The following CDH2 variants were observed in gnomAD, a reference collection of about 807,000 sequenced individuals.
The protein encoded by CDH2 is cadherin 2, also known as cadherin-2.
Under a neutral mutation model 92.0 loss-of-function variants are expected in CDH2, and 17 were observed. The ratio of observed to expected loss-of-function variants is 0.18; its 90% CI spans 0.13 to 0.28. The LOEUF is 0.28. Among genes scored for constraint, CDH2 ranks in the 10% least tolerant of loss-of-function variants. The pLI is 1.00. For synonymous variants in CDH2, 419 were observed against 415.9 expected, an observed-to-expected ratio of 1.01 and a Z score of -0.09; for missense variants, 862 against 1,133.1, an observed-to-expected ratio of 0.76 and a Z score of 3.44.
At chr18:28,106,282 TG>T (rs1430010306) in intron 2 of CDH2, among the ~76,000 whole-genome samples, 1 of 152,136 alleles carries the variant, frequency 6.6e-6, no homozygotes, top group African/African-American at 2.4e-5. Context: ...CAGGGCATGG[TG>T]GTGTGCACCT....
At chr18:28,075,743 C>T (rs1413119497) in intron 2 of CDH2, among the ~76,000 whole-genome samples, 2 of 152,186 alleles carry the variant, frequency 1.3e-5, no homozygotes, top group Non-Finnish European at 2.9e-5. Flanking sequence ...TGCCTATCTG[C>T]TTTACTGTGG....
chr18:28,173,582 CA>C (rs1457439290), intron 1 of CDH2, among the ~76,000 whole-genome samples: 1 of 152,090 alleles, frequency 6.6e-6, no homozygotes, highest in Non-Finnish European at 1.5e-5. Context: ...GTGAAAAACA[CA>C]TAAGGTTTAT....
At chr18:28,026,632 G>T (rs1329195377) in intron 2 of CDH2, among the ~76,000 whole-genome samples, 1 of 152,082 alleles carries the variant, frequency 6.6e-6, no homozygotes, top group Non-Finnish European at 1.5e-5. Context: ...ATGGCCTGGA[G>T]GGCAAATGCT....
chr18:27,947,712 GAT>G (rs1342706338), downstream of CDH2, among the ~76,000 whole-genome samples: 4 of 137,284 alleles, frequency 2.9e-5, no homozygotes, highest in East Asian at 5.9e-4. Flanking sequence ...AAGTATATGT[GAT>G]ATAAGTATGT....
chr18:27,967,544 G>T (rs1442253376), intron 14 of CDH2, among the ~76,000 whole-genome samples: 3 of 152,166 alleles, frequency 2.0e-5, no homozygotes, highest in Admixed American at 1.3e-4. Context: ...AACTCAAAGA[G>T]TGGGTCCGAA....
intron 5 of CDH2, 28 bp from the exon 6 acceptor site, chr18:28,006,021 T>G: frequency 5.7e-6 from 9 of 1,567,174 alleles, no homozygotes; most frequent in Non-Finnish European, 7.9e-6. Context: ...AAACAACTAT[T>G]TAACAGATTT....
chr18:27,954,508 C>T (rs1049833184), intron 15 of CDH2: 1 of 152,376 alleles, frequency 6.6e-6, no homozygotes, highest in Admixed American at 6.5e-5. Flanking sequence ...CCCCTTTCCC[C>T]CTCTGCCAGG....
At chr18:27,949,806 T>C (rs1909366171), downstream of CDH2, among the ~76,000 whole-genome samples, 1 of 151,846 alleles carries the variant, frequency 6.6e-6, no homozygotes, top group African/African-American at 2.4e-5. Flanking sequence ...AATAGTTGTT[T>C]ATTATGCCTA....
intron 2 of CDH2, among the ~76,000 whole-genome samples, chr18:28,112,347 G>A (rs2015427012): frequency 6.6e-6 from 1 of 152,098 alleles, no homozygotes; most frequent in Non-Finnish European, 1.5e-5. Flanking sequence ...GTGATGTCTT[G>A]CCCACAGAAT....
At chr18:28,004,703 G>C (rs2012865239) in intron 6 of CDH2, among the ~76,000 whole-genome samples, 1 of 152,154 alleles carries the variant, frequency 6.6e-6, no homozygotes, top group African/African-American at 2.4e-5. Context: ...TTGTGTTTTA[G>C]TAAGGAAATG....
intron 2 of CDH2, among the ~76,000 whole-genome samples, chr18:28,141,217 A>C (rs1393116372): frequency 6.6e-6 from 1 of 151,966 alleles, no homozygotes; most frequent in Non-Finnish European, 1.5e-5. Context: ...AAGTATACAG[A>C]TATATACACA....
intron 2 of CDH2, among the ~76,000 whole-genome samples, chr18:28,034,010 T>C (rs1334943891): frequency 6.6e-6 from 1 of 152,168 alleles, no homozygotes; most frequent in Non-Finnish European, 1.5e-5. Flanking sequence ...TCTGATATAC[T>C]ATACTTTTCT....
chr18:28,036,583 C>A, intron 2 of CDH2: 2 of 1,481,590 alleles, frequency 1.3e-6, no homozygotes, highest in Non-Finnish European at 1.9e-6. Context: ...ATTCCTTCTG[C>A]TTAGTGAACA....
chr18:28,092,106 G>C (rs2015047975), intron 2 of CDH2, among the ~76,000 whole-genome samples: 1 of 151,902 alleles, frequency 6.6e-6, no homozygotes, highest in African/African-American at 2.4e-5. Context: ...CTGGGGTTTA[G>C]GATTTCGACA....
In CDH2 at chr18:28,160,341, T is replaced by C. The variant is rs549521343; in HGVS notation, c.61-12557A>G. On this transcript the variant is annotated intron_variant, in intron 1 of 15. Transcript: ENST00000269141. ...AATGGTCTAAGGTAGCTCAGGACTC[T>C]GGAAGTGCTGAGGGGCCTCAGCTTG... Among the ~76,000 whole-genome samples the C allele has an allele frequency of 3.3e-5, 5 of 152,198 alleles. No individual in the cohort carries two copies. The South Asian group carries it at 1.0e-3, about 32-fold the overall frequency.
chr18:28,013,613 G>C, intron 3 of CDH2, 70 bp downstream of exon 3: 1 of 1,079,564 alleles, frequency 9.3e-7, no homozygotes, highest in Non-Finnish European at 1.4e-6. Flanking sequence ...CTGAAGCAAA[G>C]CATATATTTA....
chr18:27,940,943 A>C (rs1434768726), intron 6 of CDH2, among the ~76,000 whole-genome samples: 1 of 152,094 alleles, frequency 6.6e-6, no homozygotes, highest in Non-Finnish European at 1.5e-5. Context: ...GGGTTGTGCC[A>C]TCAGTACATT....
At chr18:27,983,817 C>T (rs1274037658) in intron 13 of CDH2, among the ~76,000 whole-genome samples, 2 of 152,212 alleles carry the variant, frequency 1.3e-5, no homozygotes, top group East Asian at 1.9e-4. Flanking sequence ...ATGCCTAAGT[C>T]TTTCTTGATA....
intron 1 of CDH2, among the ~76,000 whole-genome samples, chr18:28,167,160 G>A (rs1284460739): frequency 1.3e-5 from 2 of 151,982 alleles, no homozygotes; most frequent in East Asian, 3.9e-4. Flanking sequence ...AAAAACTTCA[G>A]GTCAGAAAGA....
Sources: allele counts gnomAD v4.1 joint callset (sites outside exome capture counted in the v4.1 genomes callset), GRCh38; gene constraint gnomAD v4.1.1; transcripts MANE v1.5; gene names NCBI Gene and HGNC (gene_info 2026-07-23, HGNC 2026-07-21).